The following SRGAP1 variants were observed in gnomAD, a reference collection of about 807,000 sequenced individuals.
SRGAP1 encodes SLIT-ROBO Rho GTPase activating protein 1, also known as SLIT-ROBO Rho GTPase-activating protein 1.
In SRGAP1, 43 loss-of-function variants were observed where a neutral mutation model predicts 121.9. That is an observed-to-expected ratio of 0.35 (90% CI 0.28 to 0.46). The LOEUF is 0.46. Among genes scored for constraint, SRGAP1 ranks in the 20% least tolerant of loss-of-function variants. The probability of loss-of-function intolerance (pLI) is 1.00; values close to 1 mark genes in which losing one functional copy is unlikely to be tolerated. For synonymous variants in SRGAP1, 447 were observed against 485.4 expected, an observed-to-expected ratio of 0.92 and a Z score of 1.04; for missense variants, 1,102 against 1,350.9, an observed-to-expected ratio of 0.82 and a Z score of 2.89.
At chr12:64,074,164 A>G (rs2035692851) in intron 8 of SRGAP1, among the ~76,000 whole-genome samples, 1 of 152,200 alleles carries the variant, frequency 6.6e-6, no homozygotes, top group African/African-American at 2.4e-5. Context: ...ATGTTTTTCA[A>G]ATATCCCCCA....
intron 1 of SRGAP1, among the ~76,000 whole-genome samples, chr12:63,872,673 A>T (rs1314058283): frequency 1.3e-5 from 2 of 152,240 alleles, no homozygotes; most frequent in South Asian, 2.1e-4. Flanking sequence ...GAATATCTTT[A>T]TAGATTTATC....
chr12:64,024,253 A>G (rs1474488347), intron 4 of SRGAP1, among the ~76,000 whole-genome samples: 1 of 152,024 alleles, frequency 6.6e-6, no homozygotes, highest in Non-Finnish European at 1.5e-5. Flanking sequence ...ACATGGCAAA[A>G]ACCTGTCTCT....
chr12:64,133,098 A>C (rs1266043405), intron 21 of SRGAP1, among the ~76,000 whole-genome samples: 2 of 152,168 alleles, frequency 1.3e-5, no homozygotes, highest in Admixed American at 1.3e-4. Context: ...GCACAGGCCA[A>C]ATGGGAGAGT....
chr12:64,028,233 C>A (rs955862950), intron 4 of SRGAP1, among the ~76,000 whole-genome samples: 12 of 152,226 alleles, frequency 7.9e-5, no homozygotes, highest in African/African-American at 2.9e-4. Flanking sequence ...TTGGATATTT[C>A]TTTCAGTAGA....
intron 3 of SRGAP1, among the ~76,000 whole-genome samples, chr12:63,992,873 A>AG (rs1413801125): frequency 2.6e-5 from 4 of 152,174 alleles, no homozygotes; most frequent in Admixed American, 6.5e-5. Flanking sequence ...GGCATTTAGT[A>AG]GGGGGAATGC....
In SRGAP1 at chr12:64,143,797, C is replaced by T. The variant is rs1397091995; in HGVS notation, c.*1125C>T. 6.6e-6 allele frequency: 1 copy of T among 151,766 alleles called. No individual in the cohort carries two copies. Among genetic ancestry groups the T allele is most frequent in the Non-Finnish European group, 1.5e-5 (1 of 67,998 alleles). 9.4% of individuals were successfully genotyped at this position (151,766 alleles called of 1,614,324 possible). Reference sequence around the variant, plus strand: ...CTGTCTCTTAAAAAAAAAAAAAATGCTACAAAGTCCTGATGATCCTAAATT... The same window carrying T: ...CTGTCTCTTAAAAAAAAAAAAAATGTTACAAAGTCCTGATGATCCTAAATT... On this transcript the variant is annotated 3_prime_UTR_variant, in exon 22 of 22. Transcript: ENST00000355086.
At chr12:63,898,729 G>C (rs914308118) in intron 1 of SRGAP1, among the ~76,000 whole-genome samples, 3 of 152,138 alleles carry the variant, frequency 2.0e-5, no homozygotes, top group African/African-American at 7.2e-5. Context: ...TGTTATTTTA[G>C]TTAATTTCTA....
At chr12:63,942,882 T>C (rs2031916084) in intron 1 of SRGAP1, among the ~76,000 whole-genome samples, 1 of 152,194 alleles carries the variant, frequency 6.6e-6, no homozygotes, top group East Asian at 1.9e-4. Flanking sequence ...TATAGATAGG[T>C]TTTTTAAAAA....
intron 1 of SRGAP1, among the ~76,000 whole-genome samples, chr12:63,961,871 G>T (rs1271744800): frequency 6.6e-6 from 1 of 152,310 alleles, no homozygotes; most frequent in Non-Finnish European, 1.5e-5. Flanking sequence ...AGTGACGGAG[G>T]TCGGGGGCTG....
At position 64,154,563 on chromosome 12, in the gene SRGAP1, T is replaced by C. The variant is rs1158000599; in HGVS notation, c.*11891T>C. 6.6e-6 allele frequency: 1 copy of C among 152,186 alleles called. No individual in the cohort carries two copies. Among genetic ancestry groups the C allele is most frequent in the African/African-American group, 2.4e-5 (1 of 41,444 alleles). 9.4% of individuals were successfully genotyped at this position (152,186 alleles called of 1,614,324 possible). ...ATCAAGAGTGGCTCCTAGTATTTGT[T>C]TGAGCAAATGGGTGGAATATATTGA... On this transcript the variant is annotated 3_prime_UTR_variant, in exon 22 of 22. Coordinates refer to ENST00000355086, the MANE Select transcript of SRGAP1 (RefSeq NM_020762.4).
chr12:63,939,047 C>T lies in SRGAP1; in HGVS notation c.68-44900C>T, dbSNP rs1018428668. Among the ~76,000 whole-genome samples, 3 of 150,746 alleles carry T rather than the reference C, an allele frequency of 2.0e-5. 1 individual carries two copies. In the Middle Eastern group the frequency reaches 0.01, roughly 513 times the overall value. On this transcript the variant is annotated intron_variant, in intron 1 of 21. Transcript: ENST00000355086. ...GGCTTTGCCTGTAGTCCCAGCTACT[C>T]AGCAGGCTGAGGCAAGAGGACCACT...
At chr12:64,093,982 T>C (rs2036105051) in intron 12 of SRGAP1, among the ~76,000 whole-genome samples, 2 of 152,178 alleles carry the variant, frequency 1.3e-5, no homozygotes, top group South Asian at 4.1e-4. Context: ...CAACCAACTT[T>C]TTCTTGCATT....
At chr12:64,036,761 G>C (rs1388754144) in intron 4 of SRGAP1, among the ~76,000 whole-genome samples, 1 of 152,208 alleles carries the variant, frequency 6.6e-6, no homozygotes, top group Non-Finnish European at 1.5e-5. Context: ...ATGCATTGTA[G>C]ATGTTTAATA....
At chr12:63,852,596 T>A (rs1899112690) in intron 1 of SRGAP1, among the ~76,000 whole-genome samples, 1 of 152,244 alleles carries the variant, frequency 6.6e-6, no homozygotes, top group African/African-American at 2.4e-5. Context: ...GGCCCTGGGC[T>A]GCCACGTATT....
rs533974217 is a variant in SRGAP1 at position 64,146,293 on chromosome 12, C to T, written c.*3621C>T. On this transcript the variant is annotated 3_prime_UTR_variant, in exon 22 of 22. Coordinates refer to ENST00000355086, the MANE Select transcript of SRGAP1 (RefSeq NM_020762.4). ...GGGTCCCACAATCTACTGCAATGAT[C>T]GTGAACAGTTATCAGTGGATATAGT... 3 of 152,046 alleles carry T rather than the reference C, an allele frequency of 2.0e-5. No individual in the cohort carries two copies. Among genetic ancestry groups the T allele is most frequent in the Admixed American group, 6.5e-5 (1 of 15,268 alleles). 9.4% of individuals were successfully genotyped at this position (152,046 alleles called of 1,614,324 possible).
intron 1 of SRGAP1, among the ~76,000 whole-genome samples, chr12:63,924,397 C>T (rs139864452): frequency 1.2e-3 from 179 of 152,216 alleles, no homozygotes; most frequent in Non-Finnish European, 2.1e-3. Flanking sequence ...TAAAGTAAAT[C>T]GGAAATAGAT....
chr12:64,060,872 A>G (rs1406154393), intron 6 of SRGAP1, among the ~76,000 whole-genome samples: 1 of 152,262 alleles, frequency 6.6e-6, no homozygotes, highest in East Asian at 1.9e-4. Flanking sequence ...TAGTTTATTT[A>G]CTATGTTCCA....
chr12:64,003,029 A>T (rs893496435), intron 3 of SRGAP1, among the ~76,000 whole-genome samples: 7 of 127,164 alleles, frequency 5.5e-5, no homozygotes, highest in South Asian at 2.7e-4. Flanking sequence ...TGAGTGAGAG[A>T]GAGAGAGAGA....
At chr12:63,888,702 A>T (rs1900475712) in intron 1 of SRGAP1, 1 of 152,248 alleles carries the variant, frequency 6.6e-6, no homozygotes. Flanking sequence ...TTGTTAACAC[A>T]CCAGCTATCC....
Sources: allele counts gnomAD v4.1 joint callset (sites outside exome capture counted in the v4.1 genomes callset), GRCh38; gene constraint gnomAD v4.1.1; transcripts MANE v1.5; gene names NCBI Gene and HGNC (gene_info 2026-07-23, HGNC 2026-07-21).